The following OSBP2 variants were observed in gnomAD, a reference collection of about 807,000 sequenced individuals.
The protein encoded by OSBP2 is oxysterol-binding protein 2.
Under a neutral mutation model 96.0 loss-of-function variants are expected in OSBP2, and 66 were observed. The ratio of observed to expected loss-of-function variants is 0.69; its 90% confidence interval spans 0.56 to 0.84. The LOEUF is 0.84. Ranked by LOEUF, OSBP2 falls within the 40% of genes least tolerant of loss-of-function variation. The pLI, the probability that OSBP2 is intolerant of heterozygous loss-of-function variation, is 0.00. For synonymous variants in OSBP2, 525 were observed against 520.9 expected, an observed-to-expected ratio of 1.01 and a Z score of -0.11; for missense variants, 1,038 against 1,222.7, an observed-to-expected ratio of 0.85 and a Z score of 2.25.
At chr22:30,829,614 C>T (rs773921385) in intron 2 of OSBP2, among the ~76,000 whole-genome samples, 1 of 152,178 alleles carries the variant, frequency 6.6e-6, no homozygotes, top group African/African-American at 2.4e-5. Context: ...GCCACCACGC[C>T]GGGCCCTTAC....
intron 2 of OSBP2, among the ~76,000 whole-genome samples, chr22:30,852,480 A>G (rs1307242117): frequency 6.6e-6 from 1 of 152,038 alleles, no homozygotes; most frequent in Non-Finnish European, 1.5e-5. Flanking sequence ...CAGGATCAAT[A>G]ATAATGTTCC....
chr22:30,901,026 G>C (rs1377126067), intron 12 of OSBP2, among the ~76,000 whole-genome samples: 1 of 152,148 alleles, frequency 6.6e-6, no homozygotes, highest in Non-Finnish European at 1.5e-5. Flanking sequence ...CAAGAATACA[G>C]AGTATTTTAT....
intron 2 of OSBP2, among the ~76,000 whole-genome samples, chr22:30,765,075 A>G (rs1047948879): frequency 6.6e-6 from 1 of 152,002 alleles, no homozygotes; most frequent in African/African-American, 2.4e-5. Context: ...AATTTTTTTT[A>G]TAGAGACAGG....
intron 1 of OSBP2, among the ~76,000 whole-genome samples, chr22:30,733,190 C>T (rs748700818): frequency 4.6e-5 from 7 of 152,246 alleles, no homozygotes; most frequent in East Asian, 1.9e-4. Context: ...GCTGGTAGAT[C>T]GGGCACTCAG....
chr22:30,852,997 C>A (rs1351009105), intron 2 of OSBP2, among the ~76,000 whole-genome samples: 1 of 151,948 alleles, frequency 6.6e-6, no homozygotes, highest in African/African-American at 2.4e-5. Flanking sequence ...TACTCTTTAT[C>A]GTTTAAAATT....
rs138556320 is a variant in OSBP2, at chr22:30,770,292, G to T, written c.853+28923G>T. 8.9e-3 allele frequency among the ~76,000 whole-genome samples: 1,355 copies of T among 151,836 alleles called. 16 individuals are homozygous for T. Among genetic ancestry groups the T allele is most frequent in the African/African-American group, 0.03 (1,246 of 41,404 alleles). On this transcript the variant is annotated intron_variant, in intron 2 of 13. Transcript: ENST00000332585. ...TTTTTGTATTTTTAGTAGAGACAGG[G>T]TTCACCATGTTGGCCAGGCTGACGA...
rs2090224207 is a variant in OSBP2 at position 30,762,936 on chromosome 22, G to C, written c.853+21567G>C. On this transcript the variant is annotated intron_variant, in intron 2 of 13. Coordinates refer to ENST00000332585, the MANE Select transcript of OSBP2 (RefSeq NM_030758.4). ...GAAGCTTCAATTCTGTGCTTCCCAG[G>C]GTCCCTTCAATCAAAGATTTCTAAG... Among the ~76,000 whole-genome samples the C allele has an allele frequency of 2.0e-5, 3 of 152,056 alleles. 1 individual carries two copies. The highest frequency in any genetic ancestry group is 2.0e-4 in the Admixed American group (3 of 15,270).
intron 12 of OSBP2, among the ~76,000 whole-genome samples, chr22:30,898,560 C>T (rs2040116502): frequency 6.6e-6 from 1 of 152,146 alleles, no homozygotes; most frequent in Non-Finnish European, 1.5e-5. Flanking sequence ...CAAGTACCTT[C>T]TTCACAAGGC....
In OSBP2 at chr22:30,902,640, A is replaced by C. The variant is rs1358836676; in HGVS notation, c.2376-3197A>C. The C allele has an allele frequency of 1.5e-5, 9 of 620,422 alleles. No homozygotes were observed. In the East Asian group the frequency reaches 2.8e-4, roughly 19 times the overall value. The allele number at this position is 620,422 out of a possible 1,614,324, so 38.4% of individuals were successfully genotyped here. On this transcript the variant is annotated intron_variant, in intron 12 of 13. Coordinates refer to ENST00000332585, the MANE Select transcript of OSBP2 (RefSeq NM_030758.4). ...AACATGGATTTCAAAGAACCGACAG[A>C]GGAGGGAAGAGCACAAAGACCACGA... is the stretch of plus-strand genomic sequence containing the variant.
intron 1 of OSBP2, among the ~76,000 whole-genome samples, chr22:30,728,472 A>AT (rs879939692): frequency 2.0e-4 from 30 of 150,536 alleles, no homozygotes; most frequent in Non-Finnish European, 3.2e-4. Context: ...TACTTGTGAG[A>AT]TTTTTTCCAG....
intron 2 of OSBP2, among the ~76,000 whole-genome samples, chr22:30,790,761 C>T (rs1218835916): frequency 2.6e-5 from 4 of 151,426 alleles, no homozygotes; most frequent in Non-Finnish European, 5.9e-5. Flanking sequence ...AGGGTCATTT[C>T]AGGACCAATA....
At chr22:30,772,767 G>A (rs796087283) in intron 2 of OSBP2, among the ~76,000 whole-genome samples, 13 of 151,562 alleles carry the variant, frequency 8.6e-5, no homozygotes, top group African/African-American at 2.7e-4. Context: ...CATACCACAC[G>A]GGGAACGGCT....
rs373474984 is a variant in OSBP2 at position 30,859,866 on chromosome 22, G to A, written c.854-10563G>A. 2.0e-5 allele frequency among the ~76,000 whole-genome samples: 3 copies of A among 152,320 alleles called. No homozygotes were observed. The East Asian group carries it at 5.8e-4, about 29-fold the overall frequency. On this transcript the variant is annotated intron_variant, in intron 2 of 13. Coordinates refer to ENST00000332585, the MANE Select transcript of OSBP2 (RefSeq NM_030758.4). Reference sequence around the variant, plus strand: ...TGGGAGAGCTTTTTTCCTCTCCTTTGGTTACCCAGGAGGCAGCACGGAGCA... The same window carrying A: ...TGGGAGAGCTTTTTTCCTCTCCTTTAGTTACCCAGGAGGCAGCACGGAGCA...
chr22:30,901,091 T>C (rs2040183417), intron 12 of OSBP2, among the ~76,000 whole-genome samples: 1 of 152,198 alleles, frequency 6.6e-6, no homozygotes. Context: ...TTTTTTGAGA[T>C]GGAGTCTCAC....
At chr22:30,845,455 T>A (rs546184893) in intron 2 of OSBP2, among the ~76,000 whole-genome samples, 1 of 151,278 alleles carries the variant, frequency 6.6e-6, no homozygotes, top group Non-Finnish European at 1.5e-5. Flanking sequence ...ATAAATAAAT[T>A]GTTATATTGT....
intron 2 of OSBP2, chr22:30,844,426 T>C (rs1328531042): frequency 6.5e-6 from 1 of 152,684 alleles, no homozygotes; most frequent in Non-Finnish European, 1.5e-5. Context: ...CTAGATCTTT[T>C]GGATAACTTG....
intron 1 of OSBP2, among the ~76,000 whole-genome samples, chr22:30,697,749 T>C (rs1017613774): frequency 1.3e-5 from 2 of 152,194 alleles, no homozygotes; most frequent in African/African-American, 2.4e-5. Context: ...TTTCGGACTT[T>C]TCGAGATTCT....
At chr22:30,767,171 G>C (rs951773763) in intron 2 of OSBP2, among the ~76,000 whole-genome samples, 1 of 149,668 alleles carries the variant, frequency 6.7e-6, no homozygotes, top group Non-Finnish European at 1.5e-5. Flanking sequence ...TTAGCCGGGC[G>C]TTGTGGCACG....
chr22:30,733,379 A>C (rs1393366545), intron 1 of OSBP2, among the ~76,000 whole-genome samples: 1 of 152,168 alleles, frequency 6.6e-6, no homozygotes, highest in African/African-American at 2.4e-5. Context: ...TTGCAAAGAT[A>C]CCTTGGAGAG....
Sources: allele counts gnomAD v4.1 joint callset (sites outside exome capture counted in the v4.1 genomes callset), GRCh38; gene constraint gnomAD v4.1.1; transcripts MANE v1.5; gene names NCBI Gene and HGNC (gene_info 2026-07-23, HGNC 2026-07-21).